The following ATPAF1 variants were observed in gnomAD, a reference collection of about 807,000 sequenced individuals.
ATPAF1 encodes ATP synthase mitochondrial F1 complex assembly factor 1, also known as homolog of yeast ATP11.
In ATPAF1, 26 loss-of-function variants were observed where a neutral mutation model predicts 43.9. That is an observed-to-expected ratio of 0.59 (90% CI 0.43 to 0.82). ATPAF1 has a LOEUF of 0.82. ATPAF1 is among the 40% of genes least tolerant of loss of function. ATPAF1 has a pLI of 0.00. For missense variants in ATPAF1, 366 were observed against 435.0 expected (o/e 0.84, Z 1.41); for synonymous variants, 157 against 168.0 (o/e 0.93, Z 0.50).
intron 6 of ATPAF1, chr1:46,652,340 G>A: frequency 2.5e-6 from 1 of 406,842 alleles, no homozygotes; most frequent in Non-Finnish European, 4.4e-6. Context: ...GGCTTACTGG[G>A]TCAAACCCAC....
chr1:46,647,094 T>C (rs572148884), intron 6 of ATPAF1, among the ~76,000 whole-genome samples: 1 of 152,346 alleles, frequency 6.6e-6, no homozygotes, highest in South Asian at 2.1e-4. Flanking sequence ...CCCAAATGTC[T>C]AGTTGATGTA....
chr1:46,643,363 A>C (rs1204594327), intron 7 of ATPAF1, 62 bp from the exon 8 acceptor site: 1 of 1,327,786 alleles, frequency 7.5e-7, no homozygotes, highest in Non-Finnish European at 1.1e-6. Flanking sequence ...TGCAATTTCA[A>C]AGCAATAGAC....
At chr1:46,667,952 T>C (rs897813610) in intron 1 of ATPAF1, 105 bp downstream of exon 1, 4 of 908,918 alleles carry the variant, frequency 4.4e-6, no homozygotes, top group Admixed American at 8.7e-5. Flanking sequence ...TCTGAAGAGC[T>C]GGGACAGTAC....
chr1:46,644,664 AC>A (rs1219540141), intron 7 of ATPAF1, among the ~76,000 whole-genome samples: 1 of 152,106 alleles, frequency 6.6e-6, no homozygotes. Context: ...TTTGAATCTA[AC>A]TTTTAAATAT....
At chr1:46,661,009 T>G (rs1245855516) in intron 2 of ATPAF1, among the ~76,000 whole-genome samples, 1 of 151,816 alleles carries the variant, frequency 6.6e-6, no homozygotes, top group Admixed American at 6.6e-5. Flanking sequence ...AACTACTATA[T>G]AACTTGAAAG....
intron 2 of ATPAF1, chr1:46,663,735 G>T: frequency 1.7e-6 from 1 of 576,970 alleles, no homozygotes; most frequent in South Asian, 4.7e-5. Flanking sequence ...TTAAAATTCA[G>T]GATACCCAAG....
At chr1:46,652,174 AT>A (rs1313211279) in intron 6 of ATPAF1, among the ~76,000 whole-genome samples, 2 of 151,050 alleles carry the variant, frequency 1.3e-5, no homozygotes, top group Non-Finnish European at 2.9e-5. Flanking sequence ...AATATGTATA[AT>A]TATGTGTCAA....
At chr1:46,662,775 TTTTA>T (rs1440445619) in intron 2 of ATPAF1, among the ~76,000 whole-genome samples, 1 of 152,212 alleles carries the variant, frequency 6.6e-6, no homozygotes, top group African/African-American at 2.4e-5. Context: ...AGTCATTTTA[TTTTA>T]TTTTTTTCTA....
At chr1:46,658,412 T>C (rs888078789) in intron 3 of ATPAF1, among the ~76,000 whole-genome samples, 1 of 152,216 alleles carries the variant, frequency 6.6e-6, no homozygotes, top group Non-Finnish European at 1.5e-5. Flanking sequence ...GGTTGCCATG[T>C]ACTTCCCAAA....
chr1:46,668,393 C>A, upstream of ATPAF1: 1 of 1,198,446 alleles, frequency 8.3e-7, no homozygotes, highest in Non-Finnish European at 1.0e-6. This position sits in a 1 kb window ranked among gnomAD's most constrained non-coding sequence, Gnocchi z 4.4. Context: ...CCGCTCCATC[C>A]CGCTCCGAGT....
At position 46,651,967 on chromosome 1, in the gene ATPAF1, C is replaced by G. The variant is rs1466221695; in HGVS notation, c.588+614G>C. Among the ~76,000 whole-genome samples the G allele has an allele frequency of 3.0e-4, 46 of 152,034 alleles. 1 individual carries two copies. The highest frequency in any genetic ancestry group is 3.0e-3 in the Admixed American group (46 of 15,270). The stretch of plus-strand genomic sequence containing the variant: ...CACTGGCCATCAGAGAAATGCAAAT[C>G]AAAACCACAATGAGATACCATCTCA... On this transcript the variant is annotated intron_variant, in intron 6 of 8. Coordinates refer to ENST00000574428, the Ensembl canonical transcript of ATPAF1.
chr1:46,661,893 C>CTTTT (rs1360105864), intron 2 of ATPAF1, among the ~76,000 whole-genome samples: 1 of 140,438 alleles, frequency 7.1e-6, no homozygotes, highest in Non-Finnish European at 1.6e-5. Context: ...AGCTAAATTT[C>CTTTT]TTTCTTTTTT....
chr1:46,635,855 T>C, exon 9 of ATPAF1: 2 of 1,614,256 alleles, frequency 1.2e-6, no homozygotes, highest in Non-Finnish European at 1.7e-6. Context: ...GACAGACATA[T>C]ATTTGAACTC....
intron 7 of ATPAF1, among the ~76,000 whole-genome samples, chr1:46,644,250 C>T (rs901004646): frequency 6.6e-6 from 1 of 152,136 alleles, no homozygotes; most frequent in African/African-American, 2.4e-5. Context: ...TGATTAAGTT[C>T]ACAGACTTTG....
intron 2 of ATPAF1, among the ~76,000 whole-genome samples, chr1:46,659,828 T>A (rs1676352277): frequency 6.6e-6 from 1 of 152,202 alleles, no homozygotes; most frequent in South Asian, 2.1e-4. Context: ...TAAATGATGG[T>A]CATAGAACCT....
chr1:46,652,462 T>C (rs1350917448), intron 6 of ATPAF1, 119 bp downstream of exon 6: 1 of 996,300 alleles, frequency 1.0e-6, no homozygotes, highest in Non-Finnish European at 1.5e-6. Flanking sequence ...GTGAGCATCT[T>C]TATTAAGTAA....
At chr1:46,661,165 C>T (rs150582158) in intron 2 of ATPAF1, among the ~76,000 whole-genome samples, 6,623 of 151,896 alleles carry the variant, frequency 0.044, 452 homozygotes, top group African/African-American at 0.15. Flanking sequence ...CTCCGCCTCC[C>T]GGGTTCAAGC....
intron 4 of ATPAF1, among the ~76,000 whole-genome samples, chr1:46,654,531 A>ATT (rs112199735): frequency 0.024 from 3,077 of 130,706 alleles, 117 homozygotes; most frequent in African/African-American, 0.09. Context: ...TTATTTATTT[A>ATT]TTATTATTAT....
At chr1:46,637,093 T>G (rs1675854727) in intron 8 of ATPAF1, among the ~76,000 whole-genome samples, 1 of 152,222 alleles carries the variant, frequency 6.6e-6, no homozygotes, top group Non-Finnish European at 1.5e-5. Context: ...CCACTAGATT[T>G]TGTATAATTT....
Sources: allele counts gnomAD v4.1 joint callset (sites outside exome capture counted in the v4.1 genomes callset), GRCh38; gene constraint gnomAD v4.1.1; non-coding constraint Gnocchi (gnomAD v3.1); transcripts MANE v1.5; gene names NCBI Gene and HGNC (gene_info 2026-07-23, HGNC 2026-07-21).